Variants in SDC2 observed in about 807,000 individuals in gnomAD.
SDC2 encodes the protein syndecan-2.
In SDC2, 13 loss-of-function variants were observed where a neutral mutation model predicts 22.2. The ratio of observed to expected loss-of-function variants is 0.59; its 90% CI spans 0.38 to 0.93. The LOEUF (loss-of-function observed/expected upper bound fraction) is 0.93, where lower values mean the gene tolerates loss of function less well. Among genes scored for constraint, SDC2 ranks in the 40% least tolerant of loss-of-function variants. The pLI, the probability that SDC2 is intolerant of heterozygous loss-of-function variation, is 0.00. For synonymous variants in SDC2, 94 were observed against 92.8 expected (o/e 1.01, Z -0.07); for missense variants, 235 against 246.8 (o/e 0.95, Z 0.32).
chr8:96,565,201 C>T (rs530529849), intron 1 of SDC2, among the ~76,000 whole-genome samples: 16 of 149,594 alleles, frequency 1.1e-4, no homozygotes, highest in Non-Finnish European at 1.9e-4. Flanking sequence ...TCCCCTGCCT[C>T]AGCCTCCCGA....
At chr8:96,511,392 C>T (rs982830542) in intron 1 of SDC2, among the ~76,000 whole-genome samples, 1 of 152,184 alleles carries the variant, frequency 6.6e-6, no homozygotes, top group African/African-American at 2.4e-5. Context: ...GGCTATCAAA[C>T]CCCACCTGAG....
At chr8:96,508,422 G>A (rs1160922813) in intron 1 of SDC2, among the ~76,000 whole-genome samples, 2 of 151,742 alleles carry the variant, frequency 1.3e-5, no homozygotes, top group Admixed American at 1.3e-4. Flanking sequence ...TAACACAGGA[G>A]GCGGAGGTCG....
intron 1 of SDC2, among the ~76,000 whole-genome samples, chr8:96,534,760 G>A (rs1174050660): frequency 6.6e-6 from 1 of 151,848 alleles, no homozygotes. Flanking sequence ...TCTATTAATG[G>A]TTCTCGGGGT....
intron 1 of SDC2, among the ~76,000 whole-genome samples, chr8:96,579,498 G>A (rs1563668918): frequency 6.6e-6 from 1 of 152,172 alleles, no homozygotes; most frequent in Non-Finnish European, 1.5e-5. Context: ...TCTGGTATTT[G>A]GAAGTTCAGT....
intron 1 of SDC2, among the ~76,000 whole-genome samples, chr8:96,539,272 C>A (rs1363138962): frequency 6.6e-6 from 1 of 152,138 alleles, no homozygotes; most frequent in Non-Finnish European, 1.5e-5. Context: ...CCCATGTTTT[C>A]AAAGATGAAA....
intron 1 of SDC2, among the ~76,000 whole-genome samples, chr8:96,546,706 G>A (rs1813939204): frequency 6.6e-6 from 1 of 152,198 alleles, no homozygotes; most frequent in African/African-American, 2.4e-5. Context: ...CAGTAAGGAG[G>A]TGAATTACTA....
intron 1 of SDC2, among the ~76,000 whole-genome samples, chr8:96,540,357 A>ATATATATAT (rs1220674689): frequency 4.6e-4 from 38 of 82,164 alleles, no homozygotes; most frequent in East Asian, 4.6e-3. Context: ...TATATATATA[A>ATATATATAT]AAATTAGTCG....
At chr8:96,527,449 A>C (rs1586281040) in intron 1 of SDC2, among the ~76,000 whole-genome samples, 2 of 152,070 alleles carry the variant, frequency 1.3e-5, no homozygotes, top group South Asian at 2.1e-4. Context: ...CTCTGCCCCT[A>C]AAACAGAAAT....
At chr8:96,518,342 G>T (rs1813439057) in intron 1 of SDC2, among the ~76,000 whole-genome samples, 1 of 149,292 alleles carries the variant, frequency 6.7e-6, no homozygotes, top group Admixed American at 6.8e-5. Flanking sequence ...TAGTTGGAGA[G>T]ACTGCCTTAC....
rs74322656 is a variant in SDC2 at position 96,521,156 on chromosome 8, A to G, written c.60+26825A>G. Among the ~76,000 whole-genome samples the G allele has an allele frequency of 6.6e-3, 1,009 of 152,308 alleles. 7 individuals carry two copies. The highest frequency in any genetic ancestry group is 8.9e-3 in the Non-Finnish European group (607 of 68,014). ...ACATCCCTAATGGGATGATTTTCAC[A>G]TTCGTATAAATAATATGTTGTGTAT... On this transcript the variant is annotated intron_variant, in intron 1 of 4. Transcript: ENST00000302190.
intron 1 of SDC2, among the ~76,000 whole-genome samples, chr8:96,583,817 T>C (rs1456192827): frequency 1.3e-5 from 2 of 152,094 alleles, no homozygotes; most frequent in Non-Finnish European, 2.9e-5. Context: ...CTTTTACTTA[T>C]TACTATGTGG....
chr8:96,581,386 T>C (rs1244749491), intron 1 of SDC2, among the ~76,000 whole-genome samples: 3 of 152,154 alleles, frequency 2.0e-5, no homozygotes, highest in African/African-American at 7.2e-5. Context: ...CCCAGCACTT[T>C]GAGAGGCTGA....
At chr8:96,596,827 G>A (rs1814885352) in intron 2 of SDC2, among the ~76,000 whole-genome samples, 1 of 152,212 alleles carries the variant, frequency 6.6e-6, no homozygotes. Flanking sequence ...AAGAAGATGA[G>A]CTAGTGGGGA....
chr8:96,608,680 C>A (rs567362657), intron 4 of SDC2, among the ~76,000 whole-genome samples: 2 of 152,176 alleles, frequency 1.3e-5, no homozygotes, highest in Non-Finnish European at 2.9e-5. Flanking sequence ...CGCCAGCCAT[C>A]GGGCAGGGGA....
intron 2 of SDC2, among the ~76,000 whole-genome samples, chr8:96,595,506 C>CTTT (rs34644065): frequency 6.8e-6 from 1 of 146,104 alleles, no homozygotes. Flanking sequence ...CATGGCACCT[C>CTTT]TTTTTTTTTT....
chr8:96,552,014 T>A (rs1181847903), intron 1 of SDC2, among the ~76,000 whole-genome samples: 1 of 152,148 alleles, frequency 6.6e-6, no homozygotes, highest in Non-Finnish European at 1.5e-5. Context: ...TCCCTAGACA[T>A]CTTGAATGTC....
intron 1 of SDC2, among the ~76,000 whole-genome samples, chr8:96,508,939 C>G (rs1171813844): frequency 2.1e-5 from 3 of 142,080 alleles, no homozygotes; most frequent in Non-Finnish European, 4.8e-5. Context: ...TGGTTGCAGC[C>G]CCGAATCATG....
At chr8:96,558,718 G>T (rs549128243) in intron 1 of SDC2, among the ~76,000 whole-genome samples, 5 of 152,150 alleles carry the variant, frequency 3.3e-5, no homozygotes, top group Admixed American at 2.6e-4. Flanking sequence ...GGAATATAAG[G>T]GTGGGAAATA....
At chr8:96,534,808 C>T (rs530438153) in intron 1 of SDC2, among the ~76,000 whole-genome samples, 1 of 152,144 alleles carries the variant, frequency 6.6e-6, no homozygotes, top group South Asian at 2.1e-4. Flanking sequence ...AATATTTTAG[C>T]AGCATTCTAA....
Sources: gnomAD v4.1 joint callset for allele counts (sites outside exome capture counted in the v4.1 genomes callset) on GRCh38, gnomAD v4.1.1 for gene constraint, MANE v1.5 for transcripts, NCBI Gene and HGNC (gene_info 2026-07-23, HGNC 2026-07-21) for gene names.